The following RTN3 variants were observed in gnomAD, a reference collection of about 807,000 sequenced individuals.
The protein encoded by RTN3 is reticulon-3.
In RTN3, 49 loss-of-function variants were observed where a neutral mutation model predicts 77.8. The observed-to-expected ratio is 0.63, with a 90% CI of 0.50 to 0.80. The LOEUF (loss-of-function observed/expected upper bound fraction) is 0.80, where lower values mean the gene tolerates loss of function less well. RTN3 is among the 30% of genes least tolerant of loss of function. The probability of loss-of-function intolerance (pLI) is 0.00; values close to 1 mark genes in which losing one functional copy is unlikely to be tolerated. For missense variants in RTN3, 1,236 were observed against 1,211.9 expected, an observed-to-expected ratio of 1.02 and a Z score of -0.29; for synonymous variants, 464 against 446.9, an observed-to-expected ratio of 1.04 and a Z score of -0.48.
chr11:63,755,920 C>G (rs774982346), intron 7 of RTN3, among the ~76,000 whole-genome samples, 192 bp from the exon 8 acceptor site: 1 of 151,538 alleles, frequency 6.6e-6, no homozygotes, highest in Non-Finnish European at 1.5e-5. Flanking sequence ...GATAGCGCCA[C>G]TGCACTCCAC....
At position 63,706,033 on chromosome 11, in the gene RTN3, C is replaced by CA. The variant is rs1225805706; in HGVS notation, c.199+1129dup. Among the ~76,000 whole-genome samples, 142 of 152,302 alleles carry CA rather than the reference C, an allele frequency of 9.3e-4. 1 individual carries two copies. The highest frequency in any genetic ancestry group is 3.1e-3 in the African/African-American group (127 of 41,564). The stretch of plus-strand genomic sequence containing the variant: ...ATTGATAGATTTAAGAAGTCTTGTG[C>CA]AAACAGTTTGTTGTTACAGGTGGAG... On this transcript the variant is annotated intron_variant, in intron 2 of 8. Transcript: ENST00000377819.
intron 1 of RTN3, among the ~76,000 whole-genome samples, chr11:63,685,500 A>AAAG (rs1941322061): frequency 6.6e-6 from 1 of 151,014 alleles, no homozygotes; most frequent in South Asian, 2.1e-4. Flanking sequence ...CATCTCAAAA[A>AAAG]AAAAAAAAAG....
chr11:63,749,679 C>G (rs1288862342), intron 3 of RTN3, among the ~76,000 whole-genome samples: 2 of 152,230 alleles, frequency 1.3e-5, no homozygotes, highest in Admixed American at 1.3e-4. Context: ...AGCAGAAGAA[C>G]GTTTTGCCTC....
Position 63,729,393 on chromosome 11 carries a change from G to GA in RTN3, c.2530+8368dup, listed in dbSNP as rs373482494. ...TTTATTTCTTAGGACAATTATAACA[G>GA]AAAAAAACGAGTATATGGACTGTAC... On this transcript the variant is annotated intron_variant, in intron 3 of 8. Coordinates refer to ENST00000377819, the MANE Select transcript of RTN3 (RefSeq NM_001265589.2). Among the ~76,000 whole-genome samples, 5 of 134,284 alleles carry GA rather than the reference G, an allele frequency of 3.7e-5. No homozygotes were observed. The South Asian group carries it at 1.0e-3, about 27-fold the overall frequency. 88.1% of individuals were successfully genotyped at this position (134,284 alleles called of 152,430 possible).
chr11:63,692,905 C>T (rs747473175), intron 1 of RTN3, among the ~76,000 whole-genome samples: 1 of 152,032 alleles, frequency 6.6e-6, no homozygotes, highest in Non-Finnish European at 1.5e-5. Flanking sequence ...CACAATTTGT[C>T]ACAGAATTTT....
intron 2 of RTN3, among the ~76,000 whole-genome samples, chr11:63,716,710 A>T (rs1316386488): frequency 6.6e-6 from 1 of 152,200 alleles, no homozygotes; most frequent in Non-Finnish European, 1.5e-5. Context: ...TCATGCGTGT[A>T]TTCCCAGCTC....
intron 2 of RTN3, among the ~76,000 whole-genome samples, chr11:63,716,879 G>C (rs1425921684): frequency 6.9e-6 from 1 of 145,798 alleles, no homozygotes; most frequent in Non-Finnish European, 1.5e-5. Context: ...TGAGGCAGGA[G>C]AATGGCGCGA....
In RTN3 at chr11:63,681,502, T is replaced by G; in HGVS notation, c.-135T>G. ...AGCTGCGCTCGGCTGAGTCAGTCAG[T>G]CTGTCGGAGTCTGTCCTCGGAGCAG... On this transcript the variant is annotated 5_prime_UTR_variant, in exon 1 of 9. Coordinates refer to ENST00000377819, the MANE Select transcript of RTN3 (RefSeq NM_001265589.2). The G allele has an allele frequency of 1.1e-6, 1 of 888,222 alleles. No individual in the cohort carries two copies. The highest frequency in any genetic ancestry group is 1.6e-6 in the Non-Finnish European group (1 of 625,742). 55.0% of individuals were successfully genotyped at this position (888,222 alleles called of 1,614,324 possible). A position where few individuals can be genotyped will look rare whatever the true frequency, so the allele number is the denominator to read the frequency against.
chr11:63,716,117 C>G (rs1348591783), intron 2 of RTN3, among the ~76,000 whole-genome samples: 1 of 152,170 alleles, frequency 6.6e-6, no homozygotes, highest in Non-Finnish European at 1.5e-5. Flanking sequence ...ACTTTTTATT[C>G]TAATAACCAG....
Position 63,750,181 on chromosome 11 carries a change from A to G in RTN3, c.2721A>G (p.Glu907=), listed in dbSNP as rs113499717. Residue 907 remains glutamate, a synonymous_variant, in exon 4 of 9, where the codon GAA becomes GAG. Coordinates refer to ENST00000377819, the MANE Select transcript of RTN3 (RefSeq NM_001265589.2). ...KSVIQAVQKS[E]EGHPFKAYLD... ...TCATCCAAGCTGTACAGAAGTCAGAAGAAGGCCATCCATTCAAGTGAGTTG... is the reference window on the plus strand; with the variant it reads ...TCATCCAAGCTGTACAGAAGTCAGAGGAAGGCCATCCATTCAAGTGAGTTG... 6.2e-7 allele frequency: 1 copy of G among 1,612,146 alleles called. No homozygotes were observed.
At chr11:63,718,660 G>A (rs1253330896) in intron 2 of RTN3, 42 bp from the exon 3 acceptor site, 5 of 1,478,268 alleles carry the variant, frequency 3.4e-6, no homozygotes, top group Non-Finnish European at 4.5e-6. Flanking sequence ...ATGTGTAATT[G>A]TACCTGGTAA....
intron 3 of RTN3, among the ~76,000 whole-genome samples, chr11:63,723,648 A>C (rs886167340): frequency 6.6e-6 from 1 of 151,970 alleles, no homozygotes; most frequent in East Asian, 1.9e-4. Flanking sequence ...TGGTCTCTCA[A>C]ACTCCTGGCT....
chr11:63,755,651 CAA>C (rs776039864), intron 7 of RTN3, among the ~76,000 whole-genome samples: 226 of 17,048 alleles, frequency 0.013, no homozygotes, highest in African/African-American at 0.049. Context: ...AATTCCATCT[CAA>C]AAAAAAAAAA....
At chr11:63,741,244 C>A (rs1168600995) in intron 3 of RTN3, among the ~76,000 whole-genome samples, 1 of 151,496 alleles carries the variant, frequency 6.6e-6, no homozygotes, top group Non-Finnish European at 1.5e-5. Flanking sequence ...CTCTTGTCGC[C>A]CAGGCTGCAG....
chr11:63,684,156 G>GGT (rs1941240911), intron 1 of RTN3, among the ~76,000 whole-genome samples: 1 of 44,602 alleles, frequency 2.2e-5, no homozygotes, highest in Non-Finnish European at 4.4e-5. Context: ...TTTTTTTTTG[G>GGT]TTTTTTTTTT....
Position 63,719,184 on chromosome 11 carries a change from T to A in RTN3, c.682T>A (p.Leu228Met), listed in dbSNP as rs1392051525. The change falls in exon 3 of 9, where the codon TTG becomes ATG. Residue 228 changes from leucine to methionine, a missense_variant. Physicochemically the swap from Leu to Met is conservative, Grantham distance 15 (BLOSUM62 2). Around this residue, in one of 3 missense-constraint regions of RTN3, gnomAD observed 1,056 missense variants for 990.4 expected, o/e 1.07. Transcript: ENST00000377819. ...SKVEGIYTYS[L>M]SPSKVSGDDV... is the part of the protein sequence containing the mutation. ...GGTAGAAGGCATTTATACATATTCT[T>A]TGTCTCCATCCAAAGTTTCAGGAGA... 5 of 1,614,184 alleles carry A rather than the reference T, an allele frequency of 3.1e-6. No individual in the cohort carries two copies. The highest frequency in any genetic ancestry group is 1.6e-4 in the Middle Eastern group (1 of 6,062).
At chr11:63,749,939 C>T in intron 3 of RTN3, 52 bp from the exon 4 acceptor site, 1 of 1,294,818 alleles carries the variant, frequency 7.7e-7, no homozygotes, top group South Asian at 1.2e-5. Flanking sequence ...GTATGCAAGA[C>T]ATAGTAGCTG....
At chr11:63,681,909 C>A in intron 1 of RTN3, 131 bp downstream of exon 1, 2 of 998,220 alleles carry the variant, frequency 2.0e-6, no homozygotes, top group Non-Finnish European at 2.8e-6. Context: ...CCCCCGGGGA[C>A]GAGCGTTTGG....
rs575907730 is a variant in RTN3, at chr11:63,717,259, A to G, written c.200-1443A>G. Among the ~76,000 whole-genome samples the G allele has an allele frequency of 7.9e-5, 12 of 152,202 alleles. No homozygotes were observed. The South Asian group carries it at 2.5e-3, about 32-fold the overall frequency. ...CCAGTAAAAATTTGTTAGAGTGGGA[A>G]GTTAGAAAACAGTGTGGTAGATTGA... On this transcript the variant is annotated intron_variant, in intron 2 of 8. Coordinates refer to ENST00000377819, the MANE Select transcript of RTN3 (RefSeq NM_001265589.2).
Sources: gnomAD v4.1 joint callset for allele counts (sites outside exome capture counted in the v4.1 genomes callset) on GRCh38, gnomAD v4.1.1 for gene constraint, gnomAD v4.1.1 regional missense constraint, MANE v1.5 for transcripts, NCBI Gene and HGNC (gene_info 2026-07-23, HGNC 2026-07-21) for gene names.